NRIP1: variants seen among roughly 807,000 people sequenced by gnomAD.
NRIP1 encodes nuclear receptor-interacting protein 1.
A neutral mutation model predicts 75.0 loss-of-function variants in NRIP1; 28 were observed. The ratio of observed to expected loss-of-function variants is 0.37; its 90% CI spans 0.28 to 0.51. The LOEUF is 0.51. Among genes scored for constraint, NRIP1 ranks in the 20% least tolerant of loss-of-function variants. The pLI is 0.92. For synonymous variants in NRIP1, 526 were observed against 487.6 expected, an observed-to-expected ratio of 1.08 and a Z score of -1.04; for missense variants, 1,435 against 1,343.7, an observed-to-expected ratio of 1.07 and a Z score of -1.06.
intron 1 of NRIP1, among the ~76,000 whole-genome samples, chr21:15,045,398 T>G (rs950467746): frequency 6.6e-6 from 1 of 152,240 alleles, no homozygotes. Flanking sequence ...AAAAGTTATG[T>G]TTACACTGTA....
chr21:15,052,301 A>G (rs1050800217), intron 1 of NRIP1: 4 of 152,174 alleles, frequency 2.6e-5, no homozygotes. Flanking sequence ...AAGTATGTTA[A>G]GGATACTAAC....
chr21:15,039,536 A>C (rs2088908303), intron 2 of NRIP1, among the ~76,000 whole-genome samples: 1 of 152,166 alleles, frequency 6.6e-6, no homozygotes, highest in Non-Finnish European at 1.5e-5. Context: ...TGGCAAAAAT[A>C]AACATGAAGA....
intron 2 of NRIP1, among the ~76,000 whole-genome samples, chr21:15,042,900 T>A (rs1238268090): frequency 6.6e-6 from 1 of 152,230 alleles, no homozygotes. Context: ...CCTAGTAATA[T>A]GTCACATGTC....
At chr21:15,062,694 A>T (rs1156267505) in intron 1 of NRIP1, among the ~76,000 whole-genome samples, 3 of 152,206 alleles carry the variant, frequency 2.0e-5, no homozygotes, top group Non-Finnish European at 2.9e-5. Context: ...ACTATATCAG[A>T]ACTGTAACAG....
intron 1 of NRIP1, among the ~76,000 whole-genome samples, chr21:15,057,971 C>T (rs2089342298): frequency 6.6e-6 from 1 of 152,194 alleles, no homozygotes; most frequent in African/African-American, 2.4e-5. Context: ...AACTAAACAA[C>T]TTCTTAATAT....
chr21:15,038,810 T>C (rs186406317), intron 2 of NRIP1, among the ~76,000 whole-genome samples: 1 of 152,112 alleles, frequency 6.6e-6, no homozygotes, highest in Admixed American at 6.5e-5. Flanking sequence ...ATCTTCTCCA[T>C]GCATTCAATA....
In NRIP1 at chr21:15,057,442, T is replaced by C. The variant is rs575956668; in HGVS notation, c.-538+7303A>G. On this transcript the variant is annotated intron_variant, in intron 1 of 3. Transcript: ENST00000318948. ...GGGAAAAGAGCCTGTGCGGCAGCCC[T>C]TGGTGACTACATTTCCCTCCAGCGC... Among the ~76,000 whole-genome samples the C allele has an allele frequency of 1.1e-4, 16 of 152,344 alleles. 1 individual carries two copies. In the South Asian group the frequency reaches 3.3e-3, roughly 32 times the overall value.
intron 3 of NRIP1, among the ~76,000 whole-genome samples, chr21:14,989,098 T>C (rs1389026828): frequency 6.6e-6 from 1 of 152,180 alleles, no homozygotes; most frequent in African/African-American, 2.4e-5. Context: ...GGGGCTTCTG[T>C]TCCCTGTAAT....
At chr21:15,051,084 C>A (rs932125163) in intron 1 of NRIP1, 1 of 365,612 alleles carries the variant, frequency 2.7e-6, no homozygotes, top group African/African-American at 2.1e-5. Flanking sequence ...GAAACGGCTG[C>A]AGCCCGGTCT....
At chr21:15,001,897 G>A (rs570230206) in intron 3 of NRIP1, among the ~76,000 whole-genome samples, 2 of 152,142 alleles carry the variant, frequency 1.3e-5, no homozygotes, top group East Asian at 1.9e-4. Context: ...TGCCTCACAT[G>A]TTTCAAGCAG....
At chr21:14,985,206 T>C (rs1442805740) in intron 3 of NRIP1, among the ~76,000 whole-genome samples, 1 of 152,238 alleles carries the variant, frequency 6.6e-6, no homozygotes, top group African/African-American at 2.4e-5. Flanking sequence ...GAACATGCTG[T>C]AAACAGCAAG....
intron 3 of NRIP1, among the ~76,000 whole-genome samples, chr21:15,000,015 T>C (rs2087815821): frequency 6.6e-6 from 1 of 152,190 alleles, no homozygotes; most frequent in Non-Finnish European, 1.5e-5. Context: ...ATTTCACAGC[T>C]TAACAAAATT....
chr21:15,015,420 T>G (rs527744476), intron 2 of NRIP1, among the ~76,000 whole-genome samples: 2 of 152,274 alleles, frequency 1.3e-5, no homozygotes, highest in African/African-American at 4.8e-5. Context: ...TAACAAAAAT[T>G]AAATGCCTTA....
intron 1 of NRIP1, chr21:15,050,686 T>C: frequency 2.2e-6 from 1 of 455,706 alleles, no homozygotes; most frequent in Non-Finnish European, 4.4e-6. Context: ...GTGTATTGTT[T>C]ATGTTTCTTA....
At chr21:15,028,395 T>C (rs936614793) in intron 2 of NRIP1, among the ~76,000 whole-genome samples, 1 of 152,202 alleles carries the variant, frequency 6.6e-6, no homozygotes, top group Non-Finnish European at 1.5e-5. Context: ...ACTGAGGAAG[T>C]TGGAGTGGGG....
In NRIP1 at chr21:14,967,494, C is replaced by G. The variant is rs190171837; in HGVS notation, c.699G>C (p.Pro233=). ...GQSGTKVMSE[P]LSCAARLQAV... ...CCTGTAATCTTGCAGCACATGACAACGGTTCACTCATGACCTTTGTTCCAC... is the reference window on the plus strand; with the variant it reads ...CCTGTAATCTTGCAGCACATGACAAGGGTTCACTCATGACCTTTGTTCCAC... The change falls in exon 4 of 4, where the codon CCG becomes CCC. Residue 233 remains proline, a synonymous_variant. Coordinates refer to ENST00000318948, the MANE Select transcript of NRIP1 (RefSeq NM_003489.4). 132 of 1,613,978 alleles carry G rather than the reference C, an allele frequency of 8.2e-5. No individual in the cohort carries two copies. The Middle Eastern group carries it at 9.9e-4, about 12-fold the overall frequency.
chr21:15,050,435 T>A (rs1229864796), intron 1 of NRIP1: 2 of 304,900 alleles, frequency 6.6e-6, no homozygotes, highest in Non-Finnish European at 6.4e-6. Flanking sequence ...TTCATACACA[T>A]AATATTGGGA....
intron 3 of NRIP1, among the ~76,000 whole-genome samples, chr21:14,990,260 T>G (rs933668290): frequency 6.6e-6 from 1 of 152,206 alleles, no homozygotes; most frequent in Non-Finnish European, 1.5e-5. Context: ...CATCTTTTAT[T>G]TCTCAAGTTT....
chr21:15,034,026 T>C (rs2088774739), intron 2 of NRIP1, among the ~76,000 whole-genome samples: 1 of 152,206 alleles, frequency 6.6e-6, no homozygotes, highest in East Asian at 1.9e-4. Flanking sequence ...AATAAAAATA[T>C]GTTCCTAGGG....
Sources: allele counts gnomAD v4.1 joint callset (sites outside exome capture counted in the v4.1 genomes callset), GRCh38; gene constraint gnomAD v4.1.1; transcripts MANE v1.5; gene names NCBI Gene and HGNC (gene_info 2026-07-23, HGNC 2026-07-21).